ZFAT: variants seen among roughly 807,000 people sequenced by gnomAD.
ZFAT encodes the protein zinc finger and AT-hook domain containing.
In ZFAT, 64 loss-of-function variants were observed where a neutral mutation model predicts 117.7. The ratio of observed to expected loss-of-function variants is 0.54; its 90% CI spans 0.44 to 0.67. The LOEUF is 0.67. ZFAT is among the 30% of genes least tolerant of loss of function. ZFAT has a pLI of 0.00. For synonymous variants in ZFAT, 679 were observed against 615.0 expected (o/e 1.10, Z -1.54); for missense variants, 1,433 against 1,584.5 (o/e 0.90, Z 1.62).
chr8:134,786,061 C>T, the ZFAT span, among the ~76,000 whole-genome samples: 1 of 152,170 alleles, frequency 6.6e-6, no homozygotes, highest in Admixed American at 6.5e-5. Context: ...CACTTTCAAA[C>T]ACACTGAAGT....
At chr8:134,823,005 T>C in the ZFAT span, among the ~76,000 whole-genome samples, 1 of 152,160 alleles carries the variant, frequency 6.6e-6, no homozygotes, top group African/African-American at 2.4e-5. Context: ...TATGAAAGTT[T>C]AGGACTGACT....
At chr8:134,631,584 T>C (rs1295863045) in intron 3 of ZFAT, among the ~76,000 whole-genome samples, 4 of 152,194 alleles carry the variant, frequency 2.6e-5, no homozygotes, top group Admixed American at 1.3e-4. Flanking sequence ...TGTGAGTCCA[T>C]TTACACAGTG....
At position 134,610,615 on chromosome 8, in the gene ZFAT, T is replaced by G. The variant is rs948348596; in HGVS notation, c.489A>C (p.Glu163Asp). Residue 163 changes from glutamate (E) to aspartate (D), a missense_variant, in exon 4 of 16, where the codon GAA becomes GAC. Physicochemically the swap from Glu to Asp is conservative, Grantham distance 45 (BLOSUM62 2). Around this residue, in one of 5 missense-constraint regions of ZFAT, gnomAD observed 436 missense variants for 482.0 expected, o/e 0.90. Transcript: ENST00000377838. The part of the protein sequence containing the change: ...SDLELEKKCK[E>D]DDREKASKRP... The stretch of plus-strand genomic sequence containing the variant: ...TTTTCGAGGCTTTTTCCCGATCATC[T>G]TCCTTACACTTCTTTTCTAGTTCAA... 1.2e-6 allele frequency: 2 copies of G among 1,614,250 alleles called. No individual in the cohort carries two copies. Among genetic ancestry groups the G allele is most frequent in the Non-Finnish European group, 1.7e-6 (2 of 1,180,054 alleles).
At chr8:134,483,939 T>G (rs1445227917) in intron 15 of ZFAT, among the ~76,000 whole-genome samples, 1 of 152,244 alleles carries the variant, frequency 6.6e-6, no homozygotes, top group Non-Finnish European at 1.5e-5. Flanking sequence ...GCTACGGCTC[T>G]GGCTGCCTCA....
At chr8:134,705,496 C>A (rs1450166662) in intron 1 of ZFAT, among the ~76,000 whole-genome samples, 1 of 151,540 alleles carries the variant, frequency 6.6e-6, no homozygotes, top group Non-Finnish European at 1.5e-5. Flanking sequence ...AGATTGAAGG[C>A]ATGAGCCACC....
At chr8:134,600,387 C>A (rs371543698) in intron 7 of ZFAT, 49 bp downstream of exon 7, 429 of 1,517,224 alleles carry the variant, frequency 2.8e-4, no homozygotes, top group Non-Finnish European at 3.3e-4. Context: ...CTTGAGAAAG[C>A]AATGAGCACC....
intron 15 of ZFAT, among the ~76,000 whole-genome samples, chr8:134,491,541 G>A (rs1818057397): frequency 6.6e-6 from 1 of 152,226 alleles, no homozygotes; most frequent in Non-Finnish European, 1.5e-5. Flanking sequence ...CATTTCAGCA[G>A]GGCTGTGATC....
At chr8:134,518,415 C>T (rs148913841) in intron 13 of ZFAT, among the ~76,000 whole-genome samples, 37 of 152,270 alleles carry the variant, frequency 2.4e-4, no homozygotes, top group African/African-American at 8.9e-4. Context: ...GCAGATTTCC[C>T]CACAGCTTTT....
chr8:134,545,496 A>G (rs946406823), intron 11 of ZFAT, among the ~76,000 whole-genome samples: 1 of 152,356 alleles, frequency 6.6e-6, no homozygotes, highest in South Asian at 2.1e-4. Context: ...CTCTACAAAA[A>G]GTAATAAATT....
chr8:134,799,799 A>C, the ZFAT span, among the ~76,000 whole-genome samples: 1 of 152,240 alleles, frequency 6.6e-6, no homozygotes, highest in Non-Finnish European at 1.5e-5. Flanking sequence ...CATCATCTTT[A>C]TTGCAAAAAT....
intron 1 of ZFAT, among the ~76,000 whole-genome samples, chr8:134,704,033 A>G (rs1176621406): frequency 6.6e-6 from 1 of 152,178 alleles, no homozygotes; most frequent in East Asian, 1.9e-4. Context: ...CATGTAATAT[A>G]TAATATAGGA....
At chr8:134,672,490 GGCA>G (rs1832609023) in intron 1 of ZFAT, among the ~76,000 whole-genome samples, 1 of 152,032 alleles carries the variant, frequency 6.6e-6, no homozygotes, top group East Asian at 1.9e-4. Context: ...ATACCAACAT[GGCA>G]CATGTATACA....
chr8:134,735,511 G>C, the ZFAT span, among the ~76,000 whole-genome samples: 6 of 152,184 alleles, frequency 3.9e-5, no homozygotes, highest in Admixed American at 3.9e-4. Flanking sequence ...GACAGTACTT[G>C]ACTATTTGGT....
chr8:134,614,057 T>C (rs1015501065), intron 3 of ZFAT, among the ~76,000 whole-genome samples: 3 of 152,124 alleles, frequency 2.0e-5, no homozygotes, highest in African/African-American at 7.2e-5. Flanking sequence ...CTCCGAACCA[T>C]CCTCCTCCAC....
chr8:134,551,619 T>A (rs1823175082), intron 11 of ZFAT, among the ~76,000 whole-genome samples: 1 of 152,190 alleles, frequency 6.6e-6, no homozygotes, highest in East Asian at 1.9e-4. Context: ...TTTGAACTAT[T>A]TATAAATGTG....
chr8:134,689,875 A>G (rs1168463386), intron 1 of ZFAT, among the ~76,000 whole-genome samples: 1 of 152,278 alleles, frequency 6.6e-6, no homozygotes, highest in Admixed American at 6.5e-5. Context: ...CTGCTGTCCA[A>G]CAGATACACA....
rs1191832231 is a variant in ZFAT, at chr8:134,712,920, G to T, written c.-57C>A. On this transcript the variant is annotated 5_prime_UTR_variant, in exon 1 of 16. Coordinates refer to ENST00000377838, the MANE Select transcript of ZFAT (RefSeq NM_020863.4). The stretch of plus-strand genomic sequence containing the variant: ...CTCGGGCTCTTCCGGGCCCCCTCCC[G>T]TGCCGACCGAGGGGGCGGGGCGCCC... 2.9e-6 allele frequency: 4 copies of T among 1,366,884 alleles called. No homozygotes were observed. The highest frequency in any genetic ancestry group is 3.8e-6 in the Non-Finnish European group (4 of 1,049,126). The allele number at this position is 1,366,884 out of a possible 1,614,324, so 84.7% of individuals were successfully genotyped here. A position where few individuals can be genotyped will look rare whatever the true frequency, so the allele number is the denominator to read the frequency against.
chr8:134,602,053 G>A lies in ZFAT; in HGVS notation c.1666C>T (p.Pro556Ser). 1 of 1,611,506 alleles carries A rather than the reference G, an allele frequency of 6.2e-7. No homozygotes were observed. Among genetic ancestry groups the A allele is most frequent in the Non-Finnish European group, 8.5e-7 (1 of 1,179,464 alleles). Residue 556 changes from proline (P) to serine (S), a missense_variant, in exon 6 of 16, where the codon CCT (proline) becomes TCT (serine). Physicochemically the swap from Pro to Ser is moderately conservative, Grantham distance 74. Transcript: ENST00000377838. ...RKEPEAPGEMPAPAVHLASPQ... is the reference protein window; with the variant it reads ...RKEPEAPGEMSAPAVHLASPQ... ...GAGGCCAGGTGCACAGCTGGGGCAG[G>A]CATTTCCCCAGGGGCCTCCGGCTCC...
At chr8:134,687,680 C>G (rs866071354) in intron 1 of ZFAT, among the ~76,000 whole-genome samples, 1 of 152,100 alleles carries the variant, frequency 6.6e-6, no homozygotes. Context: ...GACGAGGTGG[C>G]CCTGAAGAGC....
Sources: gnomAD v4.1 joint callset for allele counts (sites outside exome capture counted in the v4.1 genomes callset) on GRCh38, gnomAD v4.1.1 for gene constraint, gnomAD v4.1.1 regional missense constraint, MANE v1.5 for transcripts, NCBI Gene and HGNC (gene_info 2026-07-23, HGNC 2026-07-21) for gene names.